The following RSU1 variants were observed in gnomAD, a reference collection of about 807,000 sequenced individuals.
RSU1 encodes rsu-1.
Under a neutral mutation model 31.1 loss-of-function variants are expected in RSU1, and 26 were observed. That is an observed-to-expected ratio of 0.84 (90% confidence interval 0.61 to 1.16). RSU1 has a LOEUF of 1.16. RSU1 is among the 50% of genes most tolerant of loss of function. The pLI is 0.00. For synonymous variants in RSU1, 164 were observed against 136.3 expected (o/e 1.20, Z -1.41); for missense variants, 320 against 339.1 (o/e 0.94, Z 0.44).
At chr10:16,769,548 T>C (rs1001558550) in intron 3 of RSU1, among the ~76,000 whole-genome samples, 17 of 152,142 alleles carry the variant, frequency 1.1e-4, no homozygotes, top group African/African-American at 4.1e-4. Context: ...AATCACCAGA[T>C]GGCTTGCTAA....
intron 8 of RSU1, among the ~76,000 whole-genome samples, chr10:16,669,131 T>G (rs1835056502): frequency 6.6e-6 from 1 of 152,164 alleles, no homozygotes; most frequent in Non-Finnish European, 1.5e-5. Flanking sequence ...AATTCTGCTA[T>G]CAGATCTTAT....
intron 3 of RSU1, among the ~76,000 whole-genome samples, chr10:16,775,114 T>G (rs1837500005): frequency 6.6e-6 from 1 of 152,204 alleles, no homozygotes; most frequent in African/African-American, 2.4e-5. Context: ...CACCTCTTAG[T>G]GTATCTCCTC....
intron 2 of RSU1, among the ~76,000 whole-genome samples, chr10:16,797,856 C>CTTCTTT (rs1554775554): frequency 5.1e-4 from 53 of 103,520 alleles, no homozygotes; most frequent in East Asian, 2.7e-3. Context: ...GGGATTTCTT[C>CTTCTTT]TTTTTTTTTT....
chr10:16,681,693 T>C (rs554566345), intron 8 of RSU1, among the ~76,000 whole-genome samples: 1 of 152,296 alleles, frequency 6.6e-6, no homozygotes, highest in South Asian at 2.1e-4. Flanking sequence ...ATGGGGAAGC[T>C]GAGGTGGGTG....
At chr10:16,609,227 C>G (rs113457498) in intron 8 of RSU1, among the ~76,000 whole-genome samples, 1,879 of 152,284 alleles carry the variant, frequency 0.012, 38 homozygotes, top group African/African-American at 0.041. Flanking sequence ...TGTCTATGAT[C>G]TATGAGAAGA....
rs1421651334 is a variant in RSU1 at position 16,593,507 on chromosome 10, A to G, written c.732-11T>C. On this transcript the variant is annotated splice_polypyrimidine_tract_variant and intron_variant, in intron 8 of 8. Coordinates refer to ENST00000345264, the MANE Select transcript of RSU1 (RefSeq NM_012425.4). The stretch of plus-strand genomic sequence containing the variant: ...TGTCTGCCGTAGAGGCTGCAAAGAC[A>G]GAGAAAGGACACTATCAGATCTATT... The G allele has an allele frequency of 6.3e-7, 1 of 1,599,646 alleles. No individual in the cohort carries two copies. Among genetic ancestry groups the G allele is most frequent in the Non-Finnish European group, 8.6e-7 (1 of 1,166,788 alleles).
intron 7 of RSU1, among the ~76,000 whole-genome samples, chr10:16,698,856 C>T (rs1055365616): frequency 3.3e-5 from 5 of 152,196 alleles, no homozygotes; most frequent in African/African-American, 1.2e-4. Context: ...CATATTTTAG[C>T]TGGGATGGGG....
intron 2 of RSU1, among the ~76,000 whole-genome samples, chr10:16,784,081 T>C (rs1406873014): frequency 7.1e-6 from 1 of 140,724 alleles, no homozygotes; most frequent in Non-Finnish European, 1.5e-5. Context: ...TGTCCCTCTA[T>C]GTACAATTTT....
intron 1 of RSU1, 34 bp from the exon 2 acceptor site, chr10:16,817,118 G>A (rs780971321): frequency 6.8e-7 from 1 of 1,467,774 alleles, no homozygotes; most frequent in Non-Finnish European, 9.6e-7. Flanking sequence ...CGTGGGCGAT[G>A]ACAGCAAGCG....
intron 3 of RSU1, among the ~76,000 whole-genome samples, chr10:16,781,568 TG>T (rs1344934864): frequency 1.3e-5 from 2 of 152,268 alleles, no homozygotes; most frequent in Non-Finnish European, 2.9e-5. Flanking sequence ...AAGTAAGTTT[TG>T]CTCATGAAAT....
chr10:16,739,062 T>C (rs1165217821), intron 7 of RSU1, among the ~76,000 whole-genome samples: 2 of 152,224 alleles, frequency 1.3e-5, no homozygotes, highest in Non-Finnish European at 1.5e-5. Context: ...TATGGCTGCA[T>C]AGTATTCCAT....
At chr10:16,668,142 G>A (rs1835035149) in intron 8 of RSU1, among the ~76,000 whole-genome samples, 1 of 152,242 alleles carries the variant, frequency 6.6e-6, no homozygotes, top group East Asian at 1.9e-4. Context: ...CTGTATTTCA[G>A]CTTCTCCTTT....
intron 2 of RSU1, among the ~76,000 whole-genome samples, chr10:16,783,244 T>C (rs1837695008): frequency 6.6e-6 from 1 of 152,074 alleles, no homozygotes; most frequent in African/African-American, 2.4e-5. Context: ...ATTCTGTTAA[T>C]GCAGTAGAGG....
At chr10:16,810,742 C>T (rs750352638) in intron 2 of RSU1, among the ~76,000 whole-genome samples, 5 of 152,152 alleles carry the variant, frequency 3.3e-5, no homozygotes, top group Admixed American at 1.3e-4. Flanking sequence ...AATAGTCATG[C>T]ACCGCTTAAT....
In RSU1 at chr10:16,758,488, A is replaced by C. The variant is rs558290007; in HGVS notation, c.282-3499T>G. Among the ~76,000 whole-genome samples the C allele has an allele frequency of 3.9e-5, 6 of 152,316 alleles. No individual in the cohort carries two copies. In the South Asian group the frequency reaches 1.0e-3, roughly 26 times the overall value. On this transcript the variant is annotated intron_variant, in intron 4 of 8. Coordinates refer to ENST00000345264, the MANE Select transcript of RSU1 (RefSeq NM_012425.4). ...TACAGTGGCGGTAGGAAAAGTATGG[A>C]GCTTTAAGGTAGGAGACAGCTAGGT...
intron 8 of RSU1, among the ~76,000 whole-genome samples, chr10:16,675,551 G>A (rs1436166094): frequency 3.3e-5 from 5 of 152,150 alleles, no homozygotes; most frequent in African/African-American, 7.2e-5. Flanking sequence ...GAACACTAGA[G>A]ACCAGCGTCA....
At chr10:16,654,361 C>CAAAAAAAAAAA (rs536600415) in intron 8 of RSU1, among the ~76,000 whole-genome samples, 127 of 92,182 alleles carry the variant, frequency 1.4e-3, no homozygotes, top group Middle Eastern at 6.7e-3. Context: ...CCTAAATTTG[C>CAAAAAAAAAAA]AAAAAAAAAA....
At chr10:16,686,819 G>C (rs1426014860) in intron 8 of RSU1, among the ~76,000 whole-genome samples, 3 of 151,948 alleles carry the variant, frequency 2.0e-5, no homozygotes, top group African/African-American at 7.2e-5. Context: ...CAAGGTTCAG[G>C]ATAAATCTCT....
intron 8 of RSU1, among the ~76,000 whole-genome samples, chr10:16,676,009 A>G (rs1274072489): frequency 6.6e-6 from 1 of 152,214 alleles, no homozygotes; most frequent in East Asian, 1.9e-4. Context: ...GTCCTGGCCA[A>G]TCTGATTACA....
Sources: allele counts gnomAD v4.1 joint callset (sites outside exome capture counted in the v4.1 genomes callset), GRCh38; gene constraint gnomAD v4.1.1; transcripts MANE v1.5; gene names NCBI Gene and HGNC (gene_info 2026-07-23, HGNC 2026-07-21).